Variants in TGFB3 observed in about 807,000 individuals in gnomAD.
TGFB3 encodes the protein transforming growth factor beta-3 proprotein.
A neutral mutation model predicts 40.1 loss-of-function variants in TGFB3; 5 were observed. The observed-to-expected ratio is 0.12, with a 90% confidence interval of 0.07 to 0.26. The LOEUF (loss-of-function observed/expected upper bound fraction) is 0.26. Ranked by LOEUF, TGFB3 falls within the 10% of genes least tolerant of loss-of-function variation. The pLI, the probability that TGFB3 is intolerant of heterozygous loss-of-function variation, is 1.00. For synonymous variants in TGFB3, 184 were observed against 205.6 expected, an observed-to-expected ratio of 0.89 and a Z score of 0.90; for missense variants, 373 against 530.1, an observed-to-expected ratio of 0.70 and a Z score of 2.91.
At chr14:75,960,362 CCAGA>C (rs1293013780) in intron 6 of TGFB3, 1 of 169,628 alleles carries the variant, frequency 5.9e-6, no homozygotes, top group Non-Finnish European at 1.3e-5. Context: ...GTGCAGGGCC[CCAGA>C]CAGGATGCAG....
rs201047560 is a variant in TGFB3 at position 75,980,606 on chromosome 14, G to A, written c.288C>T (p.Thr96=). The A allele has an allele frequency of 5.1e-5, 83 of 1,614,184 alleles. No homozygotes were observed. In the East Asian group the frequency reaches 1.3e-3, roughly 25 times the overall value. The change falls in exon 1 of 7, where the codon ACC becomes ACT. Residue 96 remains threonine (T), a synonymous_variant. Transcript: ENST00000238682. The surrounding 1 kb of genome is among the most constrained non-coding windows in gnomAD (Gnocchi z 4.3). The stretch of plus-strand genomic sequence containing the variant: ...TTTCTTTGGCATAGTATTCCGACTC[G>A]GTGTTTTCCTGGGTGCAGCCTTCCT... ...EREEGCTQEN[T]ESEYYAKEIH... is the part of the protein sequence containing the mutation.
Position 75,980,952 on chromosome 14 carries a change from G to C in TGFB3, c.-59C>G, listed in dbSNP as rs1016312111. On this transcript the variant is annotated 5_prime_UTR_variant, in exon 1 of 7. Transcript: ENST00000238682. This position sits in a 1 kb window ranked among gnomAD's most constrained non-coding sequence, Gnocchi z 4.3. ...AAGGCCTGGAGAGGAAGAGACCCCAGCAGACGTGCAGAAGGAGGGAGGAAA... is the reference window on the plus strand; with the variant it reads ...AAGGCCTGGAGAGGAAGAGACCCCACCAGACGTGCAGAAGGAGGGAGGAAA... The C allele has an allele frequency of 1.3e-6, 2 of 1,505,804 alleles. No individual in the cohort carries two copies. The highest frequency in any genetic ancestry group is 1.8e-6 in the Non-Finnish European group (2 of 1,086,562). The allele number at this position is 1,505,804 out of a possible 1,614,324, so 93.3% of individuals were successfully genotyped here. A position where few individuals can be genotyped will look rare whatever the true frequency, so the allele number is the denominator to read the frequency against.
In TGFB3 at chr14:75,971,284, C is replaced by T. The variant is rs770928487; in HGVS notation, c.517-29G>A. 16 of 1,613,770 alleles carry T rather than the reference C, an allele frequency of 9.9e-6. No homozygotes were observed. Among genetic ancestry groups the T allele is most frequent in the Non-Finnish European group, 1.2e-5 (14 of 1,179,938 alleles). Reference sequence around the variant, plus strand: ...CAGGGCAGAGAAAGGAGTGAGTACCCGAGACCAGGACAGAGTGCCCCAGAA... The same window carrying T: ...CAGGGCAGAGAAAGGAGTGAGTACCTGAGACCAGGACAGAGTGCCCCAGAA... On this transcript the variant is annotated intron_variant, in intron 2 of 6. Coordinates refer to ENST00000238682, the MANE Select transcript of TGFB3 (RefSeq NM_003239.5). The surrounding 1 kb of genome is among the most constrained non-coding windows in gnomAD (Gnocchi z 4.5).
At position 75,981,062 on chromosome 14, in the gene TGFB3, C is replaced by A; in HGVS notation, c.-169G>T. The A allele has an allele frequency of 1.5e-6, 1 of 669,308 alleles. No homozygotes were observed. Among genetic ancestry groups the A allele is most frequent in the Non-Finnish European group, 2.7e-6 (1 of 376,474 alleles). 41.5% of individuals were successfully genotyped at this position (669,308 alleles called of 1,614,324 possible). On this transcript the variant is annotated 5_prime_UTR_variant, in exon 1 of 7. Coordinates refer to ENST00000238682, the MANE Select transcript of TGFB3 (RefSeq NM_003239.5). This position sits in a 1 kb window ranked among gnomAD's most constrained non-coding sequence, Gnocchi z 4.7. Reference sequence around the variant, plus strand: ...CTGCACTGCGAGAGCTTCAGGACTTCCAGGAAGCGCTGGCAACCCTGAGGA... The same window carrying A: ...CTGCACTGCGAGAGCTTCAGGACTTACAGGAAGCGCTGGCAACCCTGAGGA...
rs369635787 is a variant in TGFB3 at position 75,980,935 on chromosome 14, G to A, written c.-42C>T. On this transcript the variant is annotated 5_prime_UTR_variant, in exon 1 of 7. Transcript: ENST00000238682. This position sits in a 1 kb window ranked among gnomAD's most constrained non-coding sequence, Gnocchi z 4.3. The stretch of plus-strand genomic sequence containing the variant: ...GAGGCCAGGGGGACGGCAAGGCCTG[G>A]AGAGGAAGAGACCCCAGCAGACGTG... The A allele has an allele frequency of 3.8e-6, 6 of 1,576,090 alleles. No individual in the cohort carries two copies. The African/African-American group carries it at 8.1e-5, about 21-fold the overall frequency.
intron 4 of TGFB3, 135 bp from the exon 5 acceptor site, chr14:75,963,622 G>T: frequency 9.7e-7 from 1 of 1,031,076 alleles, no homozygotes; most frequent in Non-Finnish European, 1.5e-6. Flanking sequence ...GGGGACAAGT[G>T]CAGCTTAATT....
chr14:75,960,833 A>G, intron 6 of TGFB3, 90 bp downstream of exon 6: 1 of 1,566,216 alleles, frequency 6.4e-7, no homozygotes, highest in East Asian at 2.2e-5. Flanking sequence ...TCATTTGCTC[A>G]CTCAACATTC....
intron 4 of TGFB3, 46 bp from the exon 5 acceptor site, chr14:75,963,533 GA>G: frequency 6.2e-7 from 1 of 1,612,030 alleles, no homozygotes; most frequent in South Asian, 1.1e-5. Context: ...GAAGAGAGCA[GA>G]GCCCTTGGAG....
Position 75,980,543 on chromosome 14 carries a change from G to A in TGFB3, c.351C>T (p.His117=), listed in dbSNP as rs375232060. The A allele has an allele frequency of 4.5e-5, 72 of 1,614,194 alleles. No individual in the cohort carries two copies. The highest frequency in any genetic ancestry group is 5.0e-5 in the Admixed American group (3 of 60,034). The stretch of plus-strand genomic sequence containing the variant: ...ACCCCAGCGAGAATTTGGACTTACT[G>A]TGCTCCGCCAGCCCCTGGATCATGT... ...KFDMIQGLAE[H]NELAVCPKGI... The change falls in exon 1 of 7, where the codon CAC becomes CAT. Residue 117 remains histidine (H), a splice_region_variant and synonymous_variant. Transcript: ENST00000238682. The surrounding 1 kb of genome is among the most constrained non-coding windows in gnomAD (Gnocchi z 4.3).
intron 1 of TGFB3, among the ~76,000 whole-genome samples, chr14:75,976,261 A>AT (rs1421034637): frequency 1.2e-4 from 18 of 152,096 alleles, no homozygotes; most frequent in Non-Finnish European, 1.0e-4. Flanking sequence ...AAAACAAATG[A>AT]TTCCTGGACC....
Position 75,963,360 on chromosome 14 carries a change from C to A in TGFB3, c.882G>T (p.Gly294=), listed in dbSNP as rs1279817314. 1 of 1,614,190 alleles carries A rather than the reference C, an allele frequency of 6.2e-7. No homozygotes were observed. Among genetic ancestry groups the A allele is most frequent in the East Asian group, 2.2e-5 (1 of 44,880 alleles). ...CCAAAGCCCGCTTCTTCCTCTGACC[C>A]CCCTGGCCCGGGTTGTCGAGCCGGT... ...PPHRLDNPGQ[G]GQRKKRALDT... is the part of the protein sequence containing the mutation. The change falls in exon 5 of 7, where the codon GGG becomes GGT. Residue 294 remains glycine, a synonymous_variant. Transcript: ENST00000238682.
chr14:75,965,925 G>C, intron 3 of TGFB3: 1 of 558,438 alleles, frequency 1.8e-6, no homozygotes, highest in South Asian at 2.0e-5. Context: ...CACCAAATGG[G>C]GGCATACACT....
chr14:75,978,755 C>T lies in TGFB3; in HGVS notation c.352+1787G>A, dbSNP rs2035384875. On this transcript the variant is annotated intron_variant, in intron 1 of 6. Coordinates refer to ENST00000238682, the MANE Select transcript of TGFB3 (RefSeq NM_003239.5). The surrounding 1 kb of genome is among the most constrained non-coding windows in gnomAD (Gnocchi z 5.0). The stretch of plus-strand genomic sequence containing the variant: ...TGAGTCTGCACAAAATCAGTGTCCA[C>T]TTGCACCTGCATGGCCTTGCCTCCA... Among the ~76,000 whole-genome samples the T allele has an allele frequency of 6.6e-6, 1 of 152,240 alleles. No individual in the cohort carries two copies. Among genetic ancestry groups the T allele is most frequent in the Non-Finnish European group, 1.5e-5 (1 of 68,046 alleles).
chr14:75,970,224 T>TCA (rs1453530586), intron 3 of TGFB3, among the ~76,000 whole-genome samples: 1 of 152,082 alleles, frequency 6.6e-6, no homozygotes, highest in African/African-American at 2.4e-5. Flanking sequence ...TCATCACACC[T>TCA]GGAATAAGTC....
At chr14:75,975,060 T>G (rs1229458674) in intron 1 of TGFB3, among the ~76,000 whole-genome samples, 3 of 149,458 alleles carry the variant, frequency 2.0e-5, no homozygotes, top group African/African-American at 5.0e-5. Context: ...GACCTATCCC[T>G]ATTATTTAAA....
At chr14:75,982,601 G>C (rs1424384656), upstream of TGFB3, among the ~76,000 whole-genome samples, 1 of 152,130 alleles carries the variant, frequency 6.6e-6, no homozygotes, top group Non-Finnish European at 1.5e-5. The surrounding 1 kb of genome is among the most constrained non-coding windows in gnomAD (Gnocchi z 4.0). Flanking sequence ...GGAAGATCGA[G>C]GGTGCCCTCT....
chr14:75,971,184 A>C lies in TGFB3; in HGVS notation c.588T>G (p.Thr196=), dbSNP rs1171544478. 2.5e-6 allele frequency: 4 copies of C among 1,614,088 alleles called. No individual in the cohort carries two copies. The highest frequency in any genetic ancestry group is 1.3e-5 in the African/African-American group (1 of 74,948). ...IGGKNLPTRG[T]AEWLSFDVTD... The stretch of plus-strand genomic sequence containing the variant: ...TGACATCAAAGGACAGCCACTCGGC[A>C]GTGCCCCGTGTGGGCAGATTCTTGC... Residue 196 remains threonine, a synonymous_variant, in exon 3 of 7, where the codon ACT becomes ACG. Transcript: ENST00000238682. This position sits in a 1 kb window ranked among gnomAD's most constrained non-coding sequence, Gnocchi z 4.5.
intron 3 of TGFB3, chr14:75,970,562 A>AAATAATAAT (rs59970386): frequency 5.2e-5 from 7 of 135,086 alleles, no homozygotes; most frequent in Non-Finnish European, 7.8e-5. Context: ...CAGTCTCAAG[A>AAATAATAAT]AATAATAATA....
chr14:75,973,358 G>A (rs1197116264), intron 1 of TGFB3, among the ~76,000 whole-genome samples: 6 of 152,304 alleles, frequency 3.9e-5, no homozygotes, highest in Middle Eastern at 3.4e-3. Context: ...GCCTGACGCT[G>A]GTTCTTAGAA....
Sources: gnomAD v4.1 joint callset for allele counts (sites outside exome capture counted in the v4.1 genomes callset) on GRCh38, gnomAD v4.1.1 for gene constraint, Gnocchi (gnomAD v3.1) non-coding constraint, MANE v1.5 for transcripts, NCBI Gene and HGNC (gene_info 2026-07-23, HGNC 2026-07-21) for gene names.